Variants in LRMDA observed in about 807,000 individuals in gnomAD.
LRMDA encodes leucine-rich melanocyte differentiation-associated protein.
A neutral mutation model predicts 29.8 loss-of-function variants in LRMDA; 18 were observed. That is an observed-to-expected ratio of 0.60 (90% CI 0.42 to 0.90). LRMDA has a LOEUF of 0.90. Ranked by LOEUF, LRMDA falls within the 40% of genes least tolerant of loss-of-function variation. The pLI, the probability that LRMDA is intolerant of heterozygous loss-of-function variation, is 0.00. For missense variants in LRMDA, 273 were observed against 273.9 expected, an observed-to-expected ratio of 1.00 and a Z score of 0.02; for synonymous variants, 125 against 109.4, an observed-to-expected ratio of 1.14 and a Z score of -0.89.
intron 2 of LRMDA, among the ~76,000 whole-genome samples, chr10:75,786,746 C>G (rs1343602358): frequency 1.3e-5 from 2 of 152,088 alleles, no homozygotes; most frequent in African/African-American, 4.8e-5. Flanking sequence ...TGATGGTTCT[C>G]TAGATATTTT....
At chr10:76,013,066 A>C (rs1040721190) in intron 2 of LRMDA, among the ~76,000 whole-genome samples, 1 of 152,194 alleles carries the variant, frequency 6.6e-6, no homozygotes, top group Non-Finnish European at 1.5e-5. Context: ...AAACCTTTTA[A>C]TTAGTACTAA....
At chr10:76,365,029 T>A (rs1248179519) in intron 6 of LRMDA, among the ~76,000 whole-genome samples, 1 of 148,346 alleles carries the variant, frequency 6.7e-6, no homozygotes, top group Non-Finnish European at 1.5e-5. Context: ...TGCTGTTAAT[T>A]CATTCCTTTT....
intron 2 of LRMDA, among the ~76,000 whole-genome samples, chr10:75,806,884 T>C (rs1408386104): frequency 6.6e-6 from 1 of 151,886 alleles, no homozygotes; most frequent in African/African-American, 2.4e-5. Context: ...CTTCCTATTC[T>C]ATGTCTTAGG....
At chr10:75,723,059 A>G (rs745638068) in intron 2 of LRMDA, among the ~76,000 whole-genome samples, 11 of 152,204 alleles carry the variant, frequency 7.2e-5, no homozygotes, top group Non-Finnish European at 1.0e-4. Context: ...CACGATGGGA[A>G]GTCATTAACT....
chr10:75,514,642 T>A (rs770817497), intron 2 of LRMDA, among the ~76,000 whole-genome samples: 5 of 152,116 alleles, frequency 3.3e-5, no homozygotes, highest in Non-Finnish European at 5.9e-5. Context: ...CCTGGAGAAC[T>A]GATAGTTAAA....
chr10:76,237,148 C>T (rs1852167175), intron 5 of LRMDA, among the ~76,000 whole-genome samples: 1 of 152,150 alleles, frequency 6.6e-6, no homozygotes, highest in African/African-American at 2.4e-5. Flanking sequence ...TGCACTACTG[C>T]ATTCGAGCCT....
chr10:76,245,974 A>G (rs1852368203), intron 5 of LRMDA, among the ~76,000 whole-genome samples: 1 of 152,252 alleles, frequency 6.6e-6, no homozygotes, highest in East Asian at 1.9e-4. Flanking sequence ...AGCAGCTAAC[A>G]TGTATTACAC....
intron 5 of LRMDA, among the ~76,000 whole-genome samples, chr10:76,141,310 AC>A (rs1421012387): frequency 6.6e-6 from 1 of 152,088 alleles, no homozygotes; most frequent in Non-Finnish European, 1.5e-5. Flanking sequence ...CTCTCCTATA[AC>A]CCTTTTTGGC....
At chr10:75,668,160 C>T (rs71473789) in intron 2 of LRMDA, among the ~76,000 whole-genome samples, 10,569 of 152,246 alleles carry the variant, frequency 0.069, 537 homozygotes, top group Non-Finnish European at 0.11. Flanking sequence ...TGTACCATAC[C>T]TGCCTGGATC....
intron 6 of LRMDA, among the ~76,000 whole-genome samples, chr10:76,352,224 A>G (rs932252139): frequency 3.3e-5 from 5 of 152,184 alleles, no homozygotes; most frequent in Non-Finnish European, 1.5e-5. Flanking sequence ...ACTGAACCCT[A>G]TGTATACTGT....
intron 6 of LRMDA, among the ~76,000 whole-genome samples, chr10:76,410,945 CCAAAA>C (rs1372724750): frequency 6.6e-6 from 1 of 152,076 alleles, no homozygotes; most frequent in Admixed American, 6.5e-5. Context: ...GACTCCATCT[CCAAAA>C]CAAAACAAAA....
rs1169054941 is a variant in LRMDA at position 75,762,527 on chromosome 10, C to G, written c.132-273481C>G. On this transcript the variant is annotated intron_variant, in intron 2 of 6. Transcript: ENST00000611255. The stretch of plus-strand genomic sequence containing the variant: ...TTGAGCAGAATGTTGACACAAGAAA[C>G]CAGAGTCACATTCACCTTGTAAACC... Among the ~76,000 whole-genome samples, 5 of 152,306 alleles carry G rather than the reference C, an allele frequency of 3.3e-5. No individual in the cohort carries two copies. In the East Asian group the frequency reaches 7.7e-4, roughly 23 times the overall value.
intron 2 of LRMDA, among the ~76,000 whole-genome samples, chr10:75,671,920 G>A (rs1841895923): frequency 6.6e-6 from 1 of 152,054 alleles, no homozygotes; most frequent in East Asian, 1.9e-4. Context: ...AAAGGTAAAT[G>A]GTTTTTTAAA....
At chr10:76,209,266 T>G (rs1851593593) in intron 5 of LRMDA, among the ~76,000 whole-genome samples, 2 of 152,204 alleles carry the variant, frequency 1.3e-5, no homozygotes, top group Non-Finnish European at 2.9e-5. Context: ...TCCGTGCCTC[T>G]GAGCATTTGC....
intron 6 of LRMDA, among the ~76,000 whole-genome samples, chr10:76,325,810 G>T (rs1313523128): frequency 6.6e-6 from 1 of 152,130 alleles, no homozygotes; most frequent in Non-Finnish European, 1.5e-5. Flanking sequence ...TCAGATAGAT[G>T]ATAATCATTA....
chr10:76,057,216 T>C (rs1848630346), intron 4 of LRMDA, among the ~76,000 whole-genome samples: 1 of 152,228 alleles, frequency 6.6e-6, no homozygotes, highest in South Asian at 2.1e-4. Context: ...AACCACTCTA[T>C]GCATAACCTC....
intron 5 of LRMDA, among the ~76,000 whole-genome samples, chr10:76,248,714 G>A (rs1852420339): frequency 6.6e-6 from 1 of 152,006 alleles, no homozygotes. Context: ...AAACCTTGAA[G>A]AATTCCAGAA....
chr10:75,947,807 T>G (rs952035086), intron 2 of LRMDA, among the ~76,000 whole-genome samples: 44 of 152,310 alleles, frequency 2.9e-4, no homozygotes, highest in South Asian at 1.2e-3. Flanking sequence ...CCTTTGACTT[T>G]GGGCAGCACT....
intron 2 of LRMDA, among the ~76,000 whole-genome samples, chr10:75,672,534 C>T (rs1311255111): frequency 0.025 from 87 of 3,428 alleles, 8 homozygotes; most frequent in Non-Finnish European, 0.029. Flanking sequence ...TCCTCCCCTC[C>T]CCTCCCCTCC....
Sources: allele counts gnomAD v4.1 joint callset (sites outside exome capture counted in the v4.1 genomes callset), GRCh38; gene constraint gnomAD v4.1.1; transcripts MANE v1.5; gene names NCBI Gene and HGNC (gene_info 2026-07-23, HGNC 2026-07-21).